SYTL2: variants seen among roughly 807,000 people sequenced by gnomAD.
The protein encoded by SYTL2 is synaptotagmin like 2.
SYTL2 carries 165 observed loss-of-function variants against 198.7 expected under a neutral mutation model. The observed-to-expected ratio is 0.83, with a 90% confidence interval of 0.73 to 0.94. The LOEUF (loss-of-function observed/expected upper bound fraction) is 0.94, where lower values mean the gene tolerates loss of function less well. Among genes scored for constraint, SYTL2 ranks in the 40% least tolerant of loss-of-function variants. The pLI is 0.00. For missense variants in SYTL2, 2,835 were observed against 2,582.8 expected (o/e 1.10, Z -2.12); for synonymous variants, 966 against 917.7 (o/e 1.05, Z -0.95).
chr11:85,797,636 A>G (rs1013401999), intron 1 of SYTL2, among the ~76,000 whole-genome samples: 5 of 151,926 alleles, frequency 3.3e-5, no homozygotes, highest in South Asian at 2.1e-4. Context: ...CAAAAAAAAA[A>G]AAAAGAAAAG....
the SYTL2 span, among the ~76,000 whole-genome samples, chr11:85,829,507 G>A: frequency 7.0e-4 from 107 of 152,186 alleles, no homozygotes; most frequent in Non-Finnish European, 1.3e-3. Flanking sequence ...CTGTTGAAAT[G>A]AGCATACAAG....
the SYTL2 span, among the ~76,000 whole-genome samples, chr11:85,825,045 A>C: frequency 4.3e-4 from 66 of 152,254 alleles, no homozygotes; most frequent in Middle Eastern, 3.4e-3. Flanking sequence ...ATGCTGCATA[A>C]ATCAGTGTCA....
chr11:85,726,282 T>G lies in SYTL2; in HGVS notation c.3076A>C (p.Ile1026Leu). 1 of 1,614,026 alleles carries G rather than the reference T, an allele frequency of 6.2e-7. No homozygotes were observed. The highest frequency in any genetic ancestry group is 8.5e-7 in the Non-Finnish European group (1 of 1,179,990). The change falls in exon 8 of 20, where the codon ATT (isoleucine) becomes CTT (leucine). Residue 1026 changes from isoleucine to leucine, a missense_variant. Transcript: ENST00000359152. ...TGGGTATTTTTACCTGATAATTTAA[T>G]GTCGCTGAATTCCTTGTGTTTCTGC... ...NRQKHKEFSDIKLSGKNTHEA... is the reference protein window; with the variant it reads ...NRQKHKEFSDLKLSGKNTHEA...
At chr11:85,831,398 G>A in the SYTL2 span, among the ~76,000 whole-genome samples, 5 of 152,200 alleles carry the variant, frequency 3.3e-5, no homozygotes, top group African/African-American at 7.2e-5. Context: ...AGCAGTGATG[G>A]TCAAACTGCA....
chr11:85,787,256 TGC>T (rs948487283), intron 1 of SYTL2, among the ~76,000 whole-genome samples: 1 of 152,182 alleles, frequency 6.6e-6, no homozygotes, highest in Non-Finnish European at 1.5e-5. Context: ...TCTGCAAGGC[TGC>T]TATGTGAAGG....
At chr11:85,816,765 A>G in the SYTL2 span, among the ~76,000 whole-genome samples, 1 of 152,052 alleles carries the variant, frequency 6.6e-6, no homozygotes, top group Non-Finnish European at 1.5e-5. Context: ...AAAATAAAAA[A>G]TAGCTGGACG....
upstream of SYTL2, among the ~76,000 whole-genome samples, chr11:85,813,327 A>T (rs1468504064): frequency 6.6e-6 from 1 of 152,176 alleles, no homozygotes; most frequent in Admixed American, 6.5e-5. Context: ...TTAGAGAGAA[A>T]ATAATTGCAC....
At chr11:85,752,148 C>G (rs2153536071) in intron 2 of SYTL2, among the ~76,000 whole-genome samples, 1 of 152,312 alleles carries the variant, frequency 6.6e-6, no homozygotes, top group Middle Eastern at 3.4e-3. Context: ...GGACCTGGTT[C>G]ATAGTATTTA....
the SYTL2 span, among the ~76,000 whole-genome samples, chr11:85,820,749 A>C: frequency 6.6e-6 from 1 of 152,240 alleles, no homozygotes; most frequent in African/African-American, 2.4e-5. Context: ...TGGGAAACAT[A>C]CCACAAGAAA....
chr11:85,780,208 A>C (rs2092534694), intron 1 of SYTL2, among the ~76,000 whole-genome samples: 1 of 152,196 alleles, frequency 6.6e-6, no homozygotes, highest in South Asian at 2.1e-4. Flanking sequence ...TTCTTTCAAT[A>C]GTGCTTATGC....
rs776872265 is a variant in SYTL2 at position 85,726,530 on chromosome 11, G to C, written c.2828C>G (p.Ala943Gly). The C allele has an allele frequency of 5.0e-6, 8 of 1,602,566 alleles. No individual in the cohort carries two copies. Among genetic ancestry groups the C allele is most frequent in the Non-Finnish European group, 5.9e-6 (7 of 1,179,600 alleles). Residue 943 changes from alanine (A) to glycine (G), a missense_variant, in exon 8 of 20, where the codon GCT (alanine) becomes GGT (glycine). By Grantham distance (60) the Ala-to-Gly change is moderately conservative. Transcript: ENST00000359152. ...PPSNVGSERH[A>G]PLEKDRPLVR... is the part of the protein sequence containing the mutation. ...TAGAGGTCTGTCTTTCTCCAATGGA[G>C]CATGTCGTTCACTCCCGACATTTGA...
At position 85,727,889 on chromosome 11, in the gene SYTL2, G is replaced by A. The variant is rs61736736; in HGVS notation, c.1469C>T (p.Pro490Leu). The A allele has an allele frequency of 3.3e-3, 5,355 of 1,613,612 alleles. 169 individuals carry two copies. The African/African-American group carries it at 0.061, about 18-fold the overall frequency. The part of the protein sequence containing the change: ...GSSRDRQQGK[P>L]PPLPALKAKT... ...AGCTTTTAGAGCCGGGAGAGGAGGG[G>A]GCTTACCTTGCTGACGGTCTCTAGA... The change falls in exon 8 of 20, where the codon CCC becomes CTC. Residue 490 changes from proline (P) to leucine (L), a missense_variant. Coordinates refer to ENST00000359152, the MANE Select transcript of SYTL2 (RefSeq NM_206927.4).
chr11:85,718,755 C>A, intron 10 of SYTL2, 35 bp downstream of exon 10: 1 of 1,604,566 alleles, frequency 6.2e-7, no homozygotes, highest in Non-Finnish European at 8.5e-7. Context: ...GAAGTTAATA[C>A]AAAGACAGAC....
intron 1 of SYTL2, among the ~76,000 whole-genome samples, chr11:85,772,575 C>G (rs953629416): frequency 2.7e-4 from 41 of 152,202 alleles, no homozygotes; most frequent in Admixed American, 2.7e-3. Context: ...CCAGAAGGAC[C>G]TTCACTATGC....
intron 1 of SYTL2, among the ~76,000 whole-genome samples, chr11:85,761,790 CT>C (rs975706144): frequency 6.6e-6 from 1 of 152,172 alleles, no homozygotes; most frequent in African/African-American, 2.4e-5. Flanking sequence ...TTCCAAGTAG[CT>C]GGGATTACAG....
At chr11:85,754,000 G>A (rs546696266) in intron 2 of SYTL2, among the ~76,000 whole-genome samples, 3 of 152,128 alleles carry the variant, frequency 2.0e-5, no homozygotes, top group African/African-American at 7.2e-5. Context: ...TCTTGGCTAC[G>A]GGAGAGTTAT....
At chr11:85,745,896 T>C in intron 3 of SYTL2, 124 bp from the exon 4 acceptor site, 1 of 883,502 alleles carries the variant, frequency 1.1e-6, no homozygotes, top group Non-Finnish European at 1.7e-6. Context: ...GCCAAGGCAA[T>C]CACTGGGTCT....
chr11:85,809,804 T>C (rs936581287), intron 1 of SYTL2, among the ~76,000 whole-genome samples: 2 of 152,312 alleles, frequency 1.3e-5, no homozygotes, highest in East Asian at 1.9e-4. Context: ...CTAGCTGCTC[T>C]TGATGGGTTC....
chr11:85,789,356 A>ATATATATATATATG (rs2092692088), intron 1 of SYTL2, among the ~76,000 whole-genome samples: 1 of 58,030 alleles, frequency 1.7e-5, no homozygotes, highest in Admixed American at 2.2e-4. Context: ...ATATATATAT[A>ATATATATATATATG]TATATATATA....
Sources: gnomAD v4.1 joint callset for allele counts (sites outside exome capture counted in the v4.1 genomes callset) on GRCh38, gnomAD v4.1.1 for gene constraint, MANE v1.5 for transcripts, NCBI Gene and HGNC (gene_info 2026-07-23, HGNC 2026-07-21) for gene names.